The following TPRN variants were observed in gnomAD, a reference collection of about 807,000 sequenced individuals.
TPRN encodes chromosome 9 open reading frame 75.
In TPRN, 32 loss-of-function variants were observed where a neutral mutation model predicts 42.6. That is an observed-to-expected ratio of 0.75 (90% confidence interval 0.57 to 1.01). TPRN has a LOEUF of 1.01. Among genes scored for constraint, TPRN ranks in the 50% least tolerant of loss-of-function variants. The pLI, the probability that TPRN is intolerant of heterozygous loss-of-function variation, is 0.00. For missense variants in TPRN, 1,095 were observed against 957.5 expected (o/e 1.14, Z -1.90); for synonymous variants, 541 against 445.6 (o/e 1.21, Z -2.70).
Position 137,199,219 on chromosome 9 carries a change from C to T in TPRN, c.1493G>A (p.Ser498Asn). 2 of 1,613,118 alleles carry T rather than the reference C, an allele frequency of 1.2e-6. No homozygotes were observed. Among genetic ancestry groups the T allele is most frequent in the East Asian group, 2.2e-5 (1 of 44,888 alleles). The stretch of plus-strand genomic sequence containing the variant: ...CTTGGGCACCACTGTGAAGGTGTTG[C>T]TGCCCCGGGGCTGAAGCTCTGCCAC... The part of the protein sequence containing the change: ...GCVAELQPRG[S>N]NTFTVVPKRK... Residue 498 changes from serine (S) to asparagine (N), a missense_variant, in exon 1 of 4, where the codon AGC (serine) becomes AAC (asparagine). Physicochemically the swap from Ser to Asn is conservative, Grantham distance 46 (BLOSUM62 1). Transcript: ENST00000409012.
chr9:137,199,579 G>C lies in TPRN; in HGVS notation c.1133C>G (p.Ala378Gly), dbSNP rs368424760. 129 of 1,555,884 alleles carry C rather than the reference G, an allele frequency of 8.3e-5. 1 individual carries two copies. In the Middle Eastern group the frequency reaches 1.7e-3, roughly 20 times the overall value. ...CAGGGGGCTCTTCCCGAGGGCAGGC[G>C]CACCATCCCCTCCAGGCACCGGCTG... ...GSQPVPGGDGAPALGKSPLEV... is the reference protein window; with the variant it reads ...GSQPVPGGDGGPALGKSPLEV... Residue 378 changes from alanine to glycine, a missense_variant, in exon 1 of 4, where the codon GCG (alanine) becomes GGG (glycine). By Grantham distance (60) the Ala-to-Gly change is moderately conservative. Transcript: ENST00000409012.
intron 1 of TPRN, among the ~76,000 whole-genome samples, chr9:137,197,540 G>A (rs565594680): frequency 1.2e-3 from 190 of 152,280 alleles, no homozygotes; most frequent in African/African-American, 4.3e-3. Context: ...CTCCGTACTC[G>A]CCCCACAAGC....
At chr9:137,193,780 C>G (rs928807425) in intron 1 of TPRN, 1 of 152,528 alleles carries the variant, frequency 6.6e-6, no homozygotes, top group East Asian at 1.9e-4. Flanking sequence ...TAGAAGGACC[C>G]GGAGGCAGGA....
rs141477297 is a variant in TPRN, at chr9:137,192,121, C to T, written c.2127G>A (p.Leu709=). 1 of 1,613,360 alleles carries T rather than the reference C, an allele frequency of 6.2e-7. No homozygotes were observed. The highest frequency in any genetic ancestry group is 8.5e-7 in the Non-Finnish European group (1 of 1,180,028). Residue 709 remains leucine (L), a synonymous_variant, in exon 4 of 4, where the codon CTG becomes CTA. Transcript: ENST00000409012. ...DLSDFRSEPA[L]YF ...CCTGGCAGTGCTGGGCTCAGAAATA[C>T]AGGGCTGGCTCGCTGCGGAAGTCCG...
In TPRN at chr9:137,200,083, C is replaced by G; in HGVS notation, c.629G>C (p.Arg210Pro). ...TGSNSFTVHPRGLHRGAGARL... is the reference protein window; with the variant it reads ...TGSNSFTVHPPGLHRGAGARL... The stretch of plus-strand genomic sequence containing the variant: ...GGCGCCCGCGCCGCGGTGCAGACCC[C>G]GGGGGTGGACGGTGAAGGAGTTGCT... The change falls in exon 1 of 4, where the codon CGG (arginine) becomes CCG (proline). Residue 210 changes from arginine to proline, a missense_variant. Physicochemically the swap from Arg to Pro is moderately radical, Grantham distance 103. Coordinates refer to ENST00000409012, the MANE Select transcript of TPRN (RefSeq NM_001128228.3). The surrounding 1 kb of genome is among the most constrained non-coding windows in gnomAD (Gnocchi z 4.3). The G allele has an allele frequency of 7.2e-7, 1 of 1,392,558 alleles. No homozygotes were observed. Among genetic ancestry groups the G allele is most frequent in the Non-Finnish European group, 9.3e-7 (1 of 1,080,182 alleles). 86.3% of individuals were successfully genotyped at this position (1,392,558 alleles called of 1,614,324 possible). A position where few individuals can be genotyped will look rare whatever the true frequency, so the allele number is the denominator to read the frequency against.
intron 2 of TPRN, 39 bp from the exon 3 acceptor site, chr9:137,192,404 C>A (rs1206815668): frequency 4.2e-5 from 67 of 1,611,852 alleles, no homozygotes; most frequent in Non-Finnish European, 5.6e-5. Context: ...GGACACAGAC[C>A]AGGCTCCACC....
In TPRN at chr9:137,199,791, C is replaced by T. The variant is rs1834772501; in HGVS notation, c.921G>A (p.Met307Ile). ...FEIRPAPKPV[M>I]ETIPLGDLQA... ...GGAGGTCCCCCAAGGGGATGGTCTC[C>T]ATAACTGGCTTGGGGGCCGGCCGTA... The change falls in exon 1 of 4, where the codon ATG becomes ATA. Residue 307 changes from methionine (M) to isoleucine (I), a missense_variant. Transcript: ENST00000409012. 1 of 1,606,428 alleles carries T rather than the reference C, an allele frequency of 6.2e-7. No homozygotes were observed. Among genetic ancestry groups the T allele is most frequent in the African/African-American group, 1.3e-5 (1 of 74,844 alleles).
At position 137,200,220 on chromosome 9, in the gene TPRN, GGGC is replaced by G. The variant is rs957768814; in HGVS notation, c.489_491del (p.Pro164del). Reference sequence around the variant, plus strand: ...CCGCGGGCGGGGGCCGGGGCGGCGCGGGCGGCGGCGGCGGCGGCGGGGGGCGGG... The same window carrying G: ...CCGCGGGCGGGGGCCGGGGCGGCGCGGGCGGCGGCGGCGGCGGGGGGCGGG... On this transcript the variant is annotated inframe_deletion, in exon 1 of 4. Coordinates refer to ENST00000409012, the MANE Select transcript of TPRN (RefSeq NM_001128228.3). This position sits in a 1 kb window ranked among gnomAD's most constrained non-coding sequence, Gnocchi z 4.3. 7.4e-4 allele frequency: 702 copies of G among 949,084 alleles called. No individual in the cohort carries two copies. Among genetic ancestry groups the G allele is most frequent in the Non-Finnish European group, 8.1e-4 (646 of 801,826 alleles). The allele number at this position is 949,084 out of a possible 1,614,324, so 58.8% of individuals were successfully genotyped here.
In TPRN at chr9:137,199,138, C is replaced by T. The variant is rs781517970; in HGVS notation, c.1574G>A (p.Arg525Gln). The T allele has an allele frequency of 6.4e-5, 103 of 1,613,092 alleles. No homozygotes were observed. The highest frequency in any genetic ancestry group is 8.3e-5 in the Non-Finnish European group (98 of 1,180,004). ...QHFSQANREP[R>Q]PREAEEEEAS... ...CTCCTCCTCCTCGGCCTCCCGTGGC[C>T]GAGGCTCCCTGTTGGCCTGACTGAA... is the stretch of plus-strand genomic sequence containing the variant. Residue 525 changes from arginine (R) to glutamine (Q), a missense_variant, in exon 1 of 4, where the codon CGG (arginine) becomes CAG (glutamine). Arg to Gln is a conservative substitution (Grantham distance 43). Transcript: ENST00000409012.
Position 137,200,567 on chromosome 9 carries a change from G to C in TPRN, c.145C>G (p.Leu49Val). 8.7e-7 allele frequency: 1 copy of C among 1,149,908 alleles called. No individual in the cohort carries two copies. Among genetic ancestry groups the C allele is most frequent in the Non-Finnish European group, 1.1e-6 (1 of 938,860 alleles). 71.2% of individuals were successfully genotyped at this position (1,149,908 alleles called of 1,614,324 possible). The stretch of plus-strand genomic sequence containing the variant: ...CGCAGCGGGCCCAGGCTCTCGGCCA[G>C]CACCCGCTGCTCGGGCTCCGCCGCC... Reference protein sequence around the residue: ...PGAAEPEQRVLAESLGPLREN... With the variant: ...PGAAEPEQRVVAESLGPLREN... Residue 49 changes from leucine to valine, a missense_variant, in exon 1 of 4, where the codon CTG becomes GTG. Coordinates refer to ENST00000409012, the MANE Select transcript of TPRN (RefSeq NM_001128228.3). The surrounding 1 kb of genome is among the most constrained non-coding windows in gnomAD (Gnocchi z 4.3).
chr9:137,199,588 C>G lies in TPRN; in HGVS notation c.1124G>C (p.Gly375Ala), dbSNP rs778754495. Residue 375 changes from glycine (G) to alanine (A), a missense_variant, in exon 1 of 4, where the codon GGG (glycine) becomes GCG (alanine). By Grantham distance (60) the Gly-to-Ala change is moderately conservative (BLOSUM62 0). Transcript: ENST00000409012. ...QELGSQPVPG[G>A]DGAPALGKSP... ...CTTCCCGAGGGCAGGCGCACCATCC[C>G]CTCCAGGCACCGGCTGGGATCCGAG... 1 of 1,555,774 alleles carries G rather than the reference C, an allele frequency of 6.4e-7. No homozygotes were observed. Among genetic ancestry groups the G allele is most frequent in the South Asian group, 1.2e-5 (1 of 85,016 alleles).
At chr9:137,197,449 C>T (rs1834722851) in intron 1 of TPRN, among the ~76,000 whole-genome samples, 1 of 152,168 alleles carries the variant, frequency 6.6e-6, no homozygotes, top group African/African-American at 2.4e-5. Context: ...TAGGCAGTGG[C>T]CTCAAGTCCC....
chr9:137,200,476 A>G lies in TPRN; in HGVS notation c.236T>C (p.Leu79Pro). 8.9e-7 allele frequency: 1 copy of G among 1,118,932 alleles called. No homozygotes were observed. Among genetic ancestry groups the G allele is most frequent in the Non-Finnish European group, 1.1e-6 (1 of 917,784 alleles). 69.3% of individuals were successfully genotyped at this position (1,118,932 alleles called of 1,614,324 possible). A position where few individuals can be genotyped will look rare whatever the true frequency, so the allele number is the denominator to read the frequency against. ...RRGGGAAGARLLERYRRVPGV... is the reference protein window; with the variant it reads ...RRGGGAAGARPLERYRRVPGV... Reference sequence around the variant, plus strand: ...AGGCACGCGGCGGTACCGCTCCAGCAGCCGCGCCCCCGCCGCGCCCCCGCC... The same window carrying G: ...AGGCACGCGGCGGTACCGCTCCAGCGGCCGCGCCCCCGCCGCGCCCCCGCC... Residue 79 changes from leucine to proline, a missense_variant, in exon 1 of 4, where the codon CTG (leucine) becomes CCG (proline). Coordinates refer to ENST00000409012, the MANE Select transcript of TPRN (RefSeq NM_001128228.3). The surrounding 1 kb of genome is among the most constrained non-coding windows in gnomAD (Gnocchi z 4.3).
chr9:137,199,252 G>A lies in TPRN; in HGVS notation c.1460C>T (p.Pro487Leu), dbSNP rs1461682936. The change falls in exon 1 of 4, where the codon CCC becomes CTC. Residue 487 changes from proline (P) to leucine (L), a missense_variant. Coordinates refer to ENST00000409012, the MANE Select transcript of TPRN (RefSeq NM_001128228.3). ...HPARPLHPARPGCVAELQPRG... is the reference protein window; with the variant it reads ...HPARPLHPARLGCVAELQPRG... ...GGGCTGAAGCTCTGCCACGCACCCG[G>A]GCCTGGCAGGGTGCAGAGGCCTGGC... The A allele has an allele frequency of 6.2e-6, 10 of 1,612,482 alleles. No homozygotes were observed. The South Asian group carries it at 1.1e-4, about 18-fold the overall frequency.
At position 137,192,151 on chromosome 9, in the gene TPRN, G is replaced by A. The variant is rs1025656736; in HGVS notation, c.2097C>T (p.Asp699=). The A allele has an allele frequency of 1.9e-6, 3 of 1,613,766 alleles. No individual in the cohort carries two copies. The highest frequency in any genetic ancestry group is 2.7e-5 in the African/African-American group (2 of 75,058). ...CTGGCTCGCTGCGGAAGTCCGAGAG[G>A]TCATTCTGACTGGCGGGTGTGAGCT... ...EAMLTPASQN[D]LSDFRSEPAL... Residue 699 remains aspartate (D), a synonymous_variant, in exon 4 of 4, where the codon GAC becomes GAT. Transcript: ENST00000409012.
At position 137,199,837 on chromosome 9, in the gene TPRN, C is replaced by T. The variant is rs1834773624; in HGVS notation, c.875G>A (p.Ser292Asn). 2 of 1,507,236 alleles carry T rather than the reference C, an allele frequency of 1.3e-6. No homozygotes were observed. Among genetic ancestry groups the T allele is most frequent in the Non-Finnish European group, 1.8e-6 (2 of 1,118,102 alleles). 93.4% of individuals were successfully genotyped at this position (1,507,236 alleles called of 1,614,324 possible). Residue 292 changes from serine (S) to asparagine (N), a missense_variant, in exon 1 of 4, where the codon AGC becomes AAC. Coordinates refer to ENST00000409012, the MANE Select transcript of TPRN (RefSeq NM_001128228.3). ...CCGTATCTCGAAGGAGTCGTTGGTG[C>T]TGGTGGCTGCGGAGACGCACTGGCG... is the stretch of plus-strand genomic sequence containing the variant. ...SQRQCVSAAT[S>N]TNDSFEIRPA...
At chr9:137,198,420 C>T (rs1834738714) in intron 1 of TPRN, among the ~76,000 whole-genome samples, 4 of 152,270 alleles carry the variant, frequency 2.6e-5, no homozygotes, top group Admixed American at 2.6e-4. Flanking sequence ...CACGGCACTC[C>T]TGCCCAGCTC....
At position 137,199,895 on chromosome 9, in the gene TPRN, C is replaced by A. The variant is rs1375269450; in HGVS notation, c.817G>T (p.Ala273Ser). 2.4e-6 allele frequency: 3 copies of A among 1,233,768 alleles called. No individual in the cohort carries two copies. The highest frequency in any genetic ancestry group is 1.7e-5 in the African/African-American group (1 of 60,326). The allele number at this position is 1,233,768 out of a possible 1,614,324, so 76.4% of individuals were successfully genotyped here. A position where few individuals can be genotyped will look rare whatever the true frequency, so the allele number is the denominator to read the frequency against. ...PSPGTPSATP[A>S]SPPASATPSQ... is the part of the protein sequence containing the mutation. ...GGAGTGGCACTGGCAGGGGGTGAGG[C>A]TGGAGTGGCACTCGGGGTCCCGGGG... is the stretch of plus-strand genomic sequence containing the variant. Residue 273 changes from alanine (A) to serine (S), a missense_variant, in exon 1 of 4, where the codon GCC (alanine) becomes TCC (serine). Transcript: ENST00000409012.
Position 137,198,979 on chromosome 9 carries a change from C to T in TPRN, c.1725+8G>A, listed in dbSNP as rs1156972759. The T allele has an allele frequency of 6.2e-7, 1 of 1,612,778 alleles. No homozygotes were observed. The highest frequency in any genetic ancestry group is 2.2e-5 in the East Asian group (1 of 44,892). On this transcript the variant is annotated splice_region_variant and intron_variant, in intron 1 of 3. Transcript: ENST00000409012. The stretch of plus-strand genomic sequence containing the variant: ...CTGCCAGCCAGTGGCCCTGCCCCCA[C>T]CACTGACCTTCTTTCTTGAGGAGCC...
Sources: gnomAD v4.1 joint callset for allele counts (sites outside exome capture counted in the v4.1 genomes callset) on GRCh38, gnomAD v4.1.1 for gene constraint, Gnocchi (gnomAD v3.1) non-coding constraint, MANE v1.5 for transcripts, NCBI Gene and HGNC (gene_info 2026-07-23, HGNC 2026-07-21) for gene names.